The following MBTPS1 variants were observed in gnomAD, a reference collection of about 807,000 sequenced individuals.
MBTPS1 encodes membrane bound transcription factor peptidase, site 1, also known as membrane-bound transcription factor site-1 protease.
MBTPS1 carries 94 observed loss-of-function variants against 127.8 expected under a neutral mutation model. The observed-to-expected ratio is 0.74, with a 90% confidence interval of 0.62 to 0.87. The LOEUF (loss-of-function observed/expected upper bound fraction) is 0.87, where lower values mean the gene tolerates loss of function less well. Ranked by LOEUF, MBTPS1 falls within the 40% of genes least tolerant of loss-of-function variation. The probability of loss-of-function intolerance (pLI) is 0.00; values close to 1 mark genes in which losing one functional copy is unlikely to be tolerated. For missense variants in MBTPS1, 1,636 were observed against 1,353.2 expected, an observed-to-expected ratio of 1.21 and a Z score of -3.28; for synonymous variants, 632 against 509.4, an observed-to-expected ratio of 1.24 and a Z score of -3.24.
At chr16:84,112,737 G>C (rs142772552) in intron 1 of MBTPS1, among the ~76,000 whole-genome samples, 1 of 151,322 alleles carries the variant, frequency 6.6e-6, no homozygotes, top group Admixed American at 6.6e-5. Context: ...CACTGTGGGA[G>C]GCCGAGACGG....
intron 8 of MBTPS1, among the ~76,000 whole-genome samples, chr16:84,088,755 C>T (rs991368723): frequency 2.6e-5 from 4 of 152,100 alleles, no homozygotes; most frequent in African/African-American, 7.2e-5. Context: ...GAGGGGCTGA[C>T]GTATGCATGT....
At chr16:84,098,982 C>G (rs2086216631) in intron 3 of MBTPS1, 71 bp downstream of exon 3, 1 of 1,434,712 alleles carries the variant, frequency 7.0e-7, no homozygotes, top group African/African-American at 1.4e-5. Context: ...TACTATTTTT[C>G]AACTACTCTG....
At chr16:84,059,247 A>G (rs925425414) in intron 21 of MBTPS1, 55 bp downstream of exon 21, 3 of 1,565,160 alleles carry the variant, frequency 1.9e-6, no homozygotes, top group African/African-American at 1.4e-5. Flanking sequence ...CTATAAGAAA[A>G]GCAATGACTC....
chr16:84,081,978 A>C, intron 10 of MBTPS1, 70 bp from the exon 11 acceptor site: 3 of 1,197,314 alleles, frequency 2.5e-6, no homozygotes, highest in Non-Finnish European at 3.3e-6. Flanking sequence ...CTAAAACCTA[A>C]CCTACAAACG....
chr16:84,059,695 G>T, intron 20 of MBTPS1: 1 of 238,726 alleles, frequency 4.2e-6, no homozygotes, highest in Admixed American at 5.3e-5. Flanking sequence ...GCACTGGCTG[G>T]TCAAACTTTG....
intron 14 of MBTPS1, among the ~76,000 whole-genome samples, chr16:84,069,598 T>A (rs934471449): frequency 1.6e-4 from 25 of 152,026 alleles, no homozygotes; most frequent in African/African-American, 6.0e-4. Flanking sequence ...AGTTTGAGGG[T>A]AAGACTGACA....
intron 8 of MBTPS1, among the ~76,000 whole-genome samples, chr16:84,087,978 T>A (rs1037523229): frequency 6.6e-6 from 1 of 152,266 alleles, no homozygotes; most frequent in Middle Eastern, 3.4e-3. Context: ...TGTGGTGGTG[T>A]TCTACCCTCC....
At chr16:84,060,953 C>A in intron 19 of MBTPS1, 140 bp from the exon 20 acceptor site, 1 of 730,190 alleles carries the variant, frequency 1.4e-6, no homozygotes, top group Non-Finnish European at 2.2e-6. Context: ...CCTGCCTCAG[C>A]CTCCCAAGTA....
At chr16:84,113,868 T>C (rs1239462915) in intron 1 of MBTPS1, among the ~76,000 whole-genome samples, 1 of 152,044 alleles carries the variant, frequency 6.6e-6, no homozygotes, top group Non-Finnish European at 1.5e-5. Flanking sequence ...TCAGAACTAA[T>C]TGCATACTTG....
rs1415988474 is a variant in MBTPS1 at position 84,084,901 on chromosome 16, C to G, written c.1286+82G>C. The stretch of plus-strand genomic sequence containing the variant: ...TCTCAAACCCAAGACAGGGCAGAAG[C>G]AAGACACGACTCCTGCTCTGCTGGC... On this transcript the variant is annotated intron_variant, in intron 10 of 22. Coordinates refer to ENST00000343411, the MANE Select transcript of MBTPS1 (RefSeq NM_003791.4). The G allele has an allele frequency of 4.1e-6, 6 of 1,473,610 alleles. No homozygotes were observed. The South Asian group carries it at 6.4e-5, about 16-fold the overall frequency. 91.3% of individuals were successfully genotyped at this position (1,473,610 alleles called of 1,614,324 possible).
chr16:84,070,107 T>G, intron 13 of MBTPS1, 69 bp from the exon 14 acceptor site: 1 of 1,289,668 alleles, frequency 7.8e-7, no homozygotes, highest in Non-Finnish European at 1.1e-6. Flanking sequence ...TTTGAAAACA[T>G]CATTTCTATT....
At chr16:84,114,199 G>A (rs1488885607) in intron 1 of MBTPS1, among the ~76,000 whole-genome samples, 1 of 152,040 alleles carries the variant, frequency 6.6e-6, no homozygotes, top group Non-Finnish European at 1.5e-5. Context: ...CTGACCTCGT[G>A]ATCTGCCCGC....
chr16:84,078,837 G>T (rs1263388414), intron 11 of MBTPS1, among the ~76,000 whole-genome samples: 1 of 152,200 alleles, frequency 6.6e-6, no homozygotes, highest in Non-Finnish European at 1.5e-5. Context: ...GTGGGGTGGT[G>T]GGGGCAGGGG....
chr16:84,060,846 T>C, intron 19 of MBTPS1, 33 bp from the exon 20 acceptor site: 5 of 687,892 alleles, frequency 7.3e-6, no homozygotes, highest in South Asian at 7.0e-5. Context: ...TAGGAATTCC[T>C]TTTTTTTTTT....
intron 1 of MBTPS1, among the ~76,000 whole-genome samples, chr16:84,107,093 C>G (rs2086334085): frequency 1.3e-5 from 2 of 152,138 alleles, no homozygotes. Flanking sequence ...CCCGGGCAAT[C>G]CAGTACCTTT....
intron 8 of MBTPS1, among the ~76,000 whole-genome samples, chr16:84,090,404 G>A (rs564124623): frequency 6.6e-6 from 1 of 152,162 alleles, no homozygotes; most frequent in Non-Finnish European, 1.5e-5. Flanking sequence ...CCATGTTGCC[G>A]TTAGGCCCGC....
chr16:84,069,801 G>A (rs779581490), intron 14 of MBTPS1, 65 bp downstream of exon 14: 12 of 1,413,926 alleles, frequency 8.5e-6, no homozygotes, highest in Non-Finnish European at 1.2e-5. Flanking sequence ...AGAGTTGCGG[G>A]AACAGTGGTG....
intron 14 of MBTPS1, among the ~76,000 whole-genome samples, chr16:84,069,039 A>G (rs1413792019): frequency 6.6e-6 from 1 of 152,174 alleles, no homozygotes; most frequent in African/African-American, 2.4e-5. Context: ...GCCTTGGTCT[A>G]TGAACTTCCC....
In MBTPS1 at chr16:84,070,738, G is replaced by A. The variant is rs761990325; in HGVS notation, c.1632C>T (p.Asn544=). ...AGGAGTAGGAGAAGGCAACTTCAATGTTGTCTCCGTTCTGTGGCAAATAGG... is the reference window on the plus strand; with the variant it reads ...AGGAGTAGGAGAAGGCAACTTCAATATTGTCTCCGTTCTGTGGCAAATAGG... ...WQPYLPQNGD[N]IEVAFSYSSV... The change falls in exon 13 of 23, where the codon AAC becomes AAT. Residue 544 remains asparagine (N), a synonymous_variant. Coordinates refer to ENST00000343411, the MANE Select transcript of MBTPS1 (RefSeq NM_003791.4). 1 of 1,614,048 alleles carries A rather than the reference G, an allele frequency of 6.2e-7. No individual in the cohort carries two copies. Among genetic ancestry groups the A allele is most frequent in the East Asian group, 2.2e-5 (1 of 44,884 alleles).
Sources: allele counts gnomAD v4.1 joint callset (sites outside exome capture counted in the v4.1 genomes callset), GRCh38; gene constraint gnomAD v4.1.1; transcripts MANE v1.5; gene names NCBI Gene and HGNC (gene_info 2026-07-23, HGNC 2026-07-21).